COL6A3: variants seen among roughly 807,000 people sequenced by gnomAD.
COL6A3 encodes the protein collagen alpha-3(VI) chain.
Under a neutral mutation model 274.1 loss-of-function variants are expected in COL6A3, and 137 were observed. That is an observed-to-expected ratio of 0.50 (90% CI 0.44 to 0.58). COL6A3 has a LOEUF of 0.58. COL6A3 is among the 20% of genes least tolerant of loss of function. The pLI, the probability that COL6A3 is intolerant of heterozygous loss-of-function variation, is 0.00. For synonymous variants in COL6A3, 1,650 were observed against 1,650.6 expected (o/e 1.00, Z 0.01); for missense variants, 3,950 against 4,124.9 (o/e 0.96, Z 1.16).
intron 4 of COL6A3, among the ~76,000 whole-genome samples, chr2:237,387,246 T>A (rs2078166740): frequency 6.6e-6 from 1 of 152,308 alleles, no homozygotes; most frequent in East Asian, 1.9e-4. Flanking sequence ...AATGAGCCCC[T>A]CAAGCCCATT....
At chr2:237,395,816 G>A (rs1294270674) in intron 2 of COL6A3, among the ~76,000 whole-genome samples, 2 of 152,260 alleles carry the variant, frequency 1.3e-5, no homozygotes, top group East Asian at 1.9e-4. Context: ...TACTCTATTA[G>A]TTACTGCATA....
In COL6A3 at chr2:237,344,906, C is replaced by T. The variant is rs2077067664; in HGVS notation, c.7174+35G>A. The T allele has an allele frequency of 3.1e-6, 5 of 1,614,024 alleles. No individual in the cohort carries two copies. In the East Asian group the frequency reaches 1.1e-4, roughly 36 times the overall value. On this transcript the variant is annotated intron_variant, in intron 35 of 43. Coordinates refer to ENST00000295550, the MANE Select transcript of COL6A3 (RefSeq NM_004369.4). The surrounding 1 kb of genome is among the most constrained non-coding windows in gnomAD (Gnocchi z 4.8). ...GTACTTACTACAAAAGGGAGGCTTC[C>T]TTTCCTTAGGAGAAAGTCACCAAAA... is the stretch of plus-strand genomic sequence containing the variant.
rs112374074 is a variant in COL6A3 at position 237,361,734 on chromosome 2, C to T, written c.6156+5G>A. 2.0e-5 allele frequency: 32 copies of T among 1,613,816 alleles called. No individual in the cohort carries two copies. The highest frequency in any genetic ancestry group is 2.7e-5 in the African/African-American group (2 of 74,934). On this transcript the variant is annotated splice_donor_5th_base_variant and intron_variant, in intron 15 of 43. Transcript: ENST00000295550. This position sits in a 1 kb window ranked among gnomAD's most constrained non-coding sequence, Gnocchi z 5.1. ...CAGGCGTGGGCAAGGGTAAAGCCAC[C>T]GTACCTTTGGCCCGATGCTGCCGAT... is the stretch of plus-strand genomic sequence containing the variant.
At chr2:237,334,394 G>T (rs933704692) in intron 41 of COL6A3, among the ~76,000 whole-genome samples, 7 of 152,176 alleles carry the variant, frequency 4.6e-5, no homozygotes, top group African/African-American at 1.7e-4. Flanking sequence ...AGTAGCCCAG[G>T]ACCCAGAGGG....
chr2:237,340,662 G>A lies in COL6A3; in HGVS notation c.8254C>T (p.Leu2752=). Residue 2752 remains leucine, a synonymous_variant, in exon 38 of 44, where the codon CTG becomes TTG. Transcript: ENST00000295550. ...MLTGEVPEQQ[L]EEAQRVILQA... is the part of the protein sequence containing the mutation. ...AGGATGACTCTCTGGGCCTCCTCCA[G>A]CTGCTGCTCCGGCACCTCGCCCGTC... 1 of 1,614,210 alleles carries A rather than the reference G, an allele frequency of 6.2e-7. No homozygotes were observed. The highest frequency in any genetic ancestry group is 8.5e-7 in the Non-Finnish European group (1 of 1,180,018).
chr2:237,348,125 C>A (rs185339960), intron 30 of COL6A3, among the ~76,000 whole-genome samples: 5 of 152,258 alleles, frequency 3.3e-5, no homozygotes, highest in African/African-American at 4.8e-5. Context: ...TTGATTGCAG[C>A]ATATTTTATT....
intron 1 of COL6A3, among the ~76,000 whole-genome samples, chr2:237,402,034 C>A (rs1053168712): frequency 8.5e-5 from 13 of 152,112 alleles, no homozygotes; most frequent in South Asian, 6.2e-4. Flanking sequence ...GAATATTATT[C>A]AGCTTTATAA....
intron 5 of COL6A3, 152 bp from the exon 6 acceptor site, chr2:237,379,387 G>T: frequency 2.0e-6 from 2 of 995,430 alleles, no homozygotes; most frequent in Admixed American, 2.1e-5. Context: ...ATGGCAGATG[G>T]CTGCATATTT....
chr2:237,387,661 G>A lies in COL6A3; in HGVS notation c.1233C>T (p.Leu411=). The A allele has an allele frequency of 6.2e-7, 1 of 1,613,780 alleles. No homozygotes were observed. Among genetic ancestry groups the A allele is most frequent in the South Asian group, 1.1e-5 (1 of 90,968 alleles). Reference sequence around the variant, plus strand: ...CAATGTACGGCAGTAATTTCTCCTGGAGGTCCCCAAAGCTACGGAATTCCG... The same window carrying A: ...CAATGTACGGCAGTAATTTCTCCTGAAGGTCCCCAAAGCTACGGAATTCCG... ...TVPEFRSFGD[L]QEKLLPYIVG... The change falls in exon 4 of 44, where the codon CTC becomes CTT. Residue 411 remains leucine, a synonymous_variant. Transcript: ENST00000295550.
Position 237,357,330 on chromosome 2 carries a change from G to A in COL6A3, c.6591+8C>T. Reference sequence around the variant, plus strand: ...CACAGAGCCCCCCAAAGCCCTAATGGCACTCACATTCTTCCCAGTTTCTCC... The same window carrying A: ...CACAGAGCCCCCCAAAGCCCTAATGACACTCACATTCTTCCCAGTTTCTCC... On this transcript the variant is annotated splice_region_variant and intron_variant, in intron 23 of 43. Transcript: ENST00000295550. 2 of 1,613,220 alleles carry A rather than the reference G, an allele frequency of 1.2e-6. No homozygotes were observed. Among genetic ancestry groups the A allele is most frequent in the South Asian group, 2.2e-5 (2 of 91,058 alleles).
Position 237,377,268 on chromosome 2 carries a change from A to C in COL6A3, c.2574T>G (p.Phe858Leu). ...LVGQFPVVRD[F>L]LYKIIDELNV... ...TGAGCTCATCGATAATCTTGTAGAG[A>C]AAGTCACGGACAACAGGGAACTGGC... is the stretch of plus-strand genomic sequence containing the variant. The change falls in exon 7 of 44, where the codon TTT becomes TTG. Residue 858 changes from phenylalanine (F) to leucine (L), a missense_variant. Transcript: ENST00000295550. The C allele has an allele frequency of 6.2e-7, 1 of 1,607,810 alleles. No individual in the cohort carries two copies. Among genetic ancestry groups the C allele is most frequent in the Non-Finnish European group, 8.5e-7 (1 of 1,180,004 alleles).
At chr2:237,409,519 T>G (rs1190909988) in intron 1 of COL6A3, among the ~76,000 whole-genome samples, 1 of 150,630 alleles carries the variant, frequency 6.6e-6, no homozygotes, top group East Asian at 1.9e-4. Context: ...ACCAAAGGGT[T>G]AGGTTTTTGT....
intron 3 of COL6A3, among the ~76,000 whole-genome samples, chr2:237,393,155 A>G (rs566774443): frequency 3.5e-4 from 53 of 152,054 alleles, no homozygotes; most frequent in African/African-American, 1.2e-3. Context: ...TGTCCTCTCT[A>G]TTGTTCCCTC....
chr2:237,337,029 A>C (rs1055324835), intron 39 of COL6A3, among the ~76,000 whole-genome samples: 15 of 152,032 alleles, frequency 9.9e-5, no homozygotes, highest in Non-Finnish European at 2.1e-4. Flanking sequence ...TATATTTTTT[A>C]TTTCTCTTAA....
Position 237,407,679 on chromosome 2 carries a change from A to C in COL6A3, c.-31+6274T>G, listed in dbSNP as rs2078754439. On this transcript the variant is annotated intron_variant, in intron 1 of 43. Coordinates refer to ENST00000295550, the MANE Select transcript of COL6A3 (RefSeq NM_004369.4). The surrounding 1 kb of genome is among the most constrained non-coding windows in gnomAD (Gnocchi z 4.3). Reference sequence around the variant, plus strand: ...CTTTAAAACATATTCCTAGCATTGCAGATAATAACCATGAGGCAGAAAGTT... The same window carrying C: ...CTTTAAAACATATTCCTAGCATTGCCGATAATAACCATGAGGCAGAAAGTT... 6.6e-6 allele frequency among the ~76,000 whole-genome samples: 1 copy of C among 152,268 alleles called. No homozygotes were observed. Among genetic ancestry groups the C allele is most frequent in the Non-Finnish European group, 1.5e-5 (1 of 68,042 alleles).
rs549305354 is a variant in COL6A3 at position 237,340,426 on chromosome 2, C to A, written c.8464+26G>T. On this transcript the variant is annotated intron_variant, in intron 38 of 43. Coordinates refer to ENST00000295550, the MANE Select transcript of COL6A3 (RefSeq NM_004369.4). Reference sequence around the variant, plus strand: ...GCCCGAGCATAAAGCCAGGCCAGGGCACATGCTGTGCCACGCAGGACTTAC... The same window carrying A: ...GCCCGAGCATAAAGCCAGGCCAGGGAACATGCTGTGCCACGCAGGACTTAC... 18 of 1,604,722 alleles carry A rather than the reference C, an allele frequency of 1.1e-5. No homozygotes were observed. The South Asian group carries it at 1.9e-4, about 17-fold the overall frequency.
At position 237,340,933 on chromosome 2, in the gene COL6A3, G is replaced by T; in HGVS notation, c.7983C>A (p.Phe2661Leu). 1 of 1,613,452 alleles carries T rather than the reference G, an allele frequency of 6.2e-7. No individual in the cohort carries two copies. The highest frequency in any genetic ancestry group is 2.2e-5 in the East Asian group (1 of 44,858). The part of the protein sequence containing the change: ...MSPDPKASQH[F>L]ARVAVVQHAP... ...CGTGCTGCACAACTGCCACTCTGGC[G>T]AAGTGCTGGGAGGCCTTGGGATCTG... Residue 2661 changes from phenylalanine (F) to leucine (L), a missense_variant, in exon 38 of 44, where the codon TTC (phenylalanine) becomes TTA (leucine). Transcript: ENST00000295550.
chr2:237,339,034 T>C lies in COL6A3; in HGVS notation c.8548A>G (p.Lys2850Glu), dbSNP rs957024546. 2.5e-6 allele frequency: 4 copies of C among 1,614,046 alleles called. No homozygotes were observed. The Admixed American group carries it at 6.7e-5, about 27-fold the overall frequency. The change falls in exon 39 of 44, where the codon AAG becomes GAG. Residue 2850 changes from lysine to glutamate, a missense_variant. By Grantham distance (56) the Lys-to-Glu change is moderately conservative. Transcript: ENST00000295550. ...ACTTACACTTGTTTGTGACCAAACT[T>C]CACAAGGTTCTTTGTGGGTTGGTCC... is the stretch of plus-strand genomic sequence containing the variant. ...QGDQPTKNLV[K>E]FGHKQVNVPN...
intron 9 of COL6A3, among the ~76,000 whole-genome samples, chr2:237,370,503 CTGGG>C (rs2077661886): frequency 6.6e-6 from 1 of 152,188 alleles, no homozygotes; most frequent in Non-Finnish European, 1.5e-5. Flanking sequence ...TCCCAAAGTG[CTGGG>C]ATTACAGGCG....
Sources: gnomAD v4.1 joint callset for allele counts (sites outside exome capture counted in the v4.1 genomes callset) on GRCh38, gnomAD v4.1.1 for gene constraint, Gnocchi (gnomAD v3.1) non-coding constraint, MANE v1.5 for transcripts, NCBI Gene and HGNC (gene_info 2026-07-23, HGNC 2026-07-21) for gene names.